Variants in FARS2 observed in about 807,000 individuals in gnomAD.
FARS2 encodes the protein phenylalanyl-tRNA synthetase 2, mitochondrial.
FARS2 carries 40 observed loss-of-function variants against 46.4 expected under a neutral mutation model. That is an observed-to-expected ratio of 0.86 (90% CI 0.67 to 1.12). The LOEUF (loss-of-function observed/expected upper bound fraction) is 1.12. FARS2 is among the 50% of genes most tolerant of loss of function. The pLI is 0.00. For missense variants in FARS2, 513 were observed against 567.9 expected (o/e 0.90, Z 0.98); for synonymous variants, 234 against 214.9 (o/e 1.09, Z -0.78).
intron 3 of FARS2, among the ~76,000 whole-genome samples, chr6:5,412,804 T>C (rs1196727883): frequency 6.6e-6 from 1 of 152,214 alleles, no homozygotes. Flanking sequence ...GGGAGTGTTA[T>C]CCTTCTCAGA....
intron 1 of FARS2, among the ~76,000 whole-genome samples, chr6:5,350,827 C>T (rs566503958): frequency 1.3e-5 from 2 of 152,164 alleles, no homozygotes; most frequent in Non-Finnish European, 2.9e-5. Flanking sequence ...ATTACAACTG[C>T]AGGTTAATCT....
At chr6:5,449,002 AG>A (rs1764329915) in intron 4 of FARS2, among the ~76,000 whole-genome samples, 1 of 152,234 alleles carries the variant, frequency 6.6e-6, no homozygotes, top group African/African-American at 2.4e-5. Context: ...TGCACGTGAA[AG>A]ATCGGAGAGC....
At chr6:5,530,920 A>G (rs1769788194) in intron 4 of FARS2, among the ~76,000 whole-genome samples, 1 of 148,122 alleles carries the variant, frequency 6.8e-6, no homozygotes, top group Admixed American at 6.8e-5. Flanking sequence ...TAATGTATAA[A>G]TATATAATTA....
chr6:5,293,368 C>T (rs990672339), intron 1 of FARS2, among the ~76,000 whole-genome samples: 2 of 152,158 alleles, frequency 1.3e-5, no homozygotes, highest in Non-Finnish European at 2.9e-5. Flanking sequence ...CTTGCATCCA[C>T]ATAGGATGTG....
At chr6:5,572,902 A>G (rs1471293764) in intron 5 of FARS2, among the ~76,000 whole-genome samples, 1 of 152,168 alleles carries the variant, frequency 6.6e-6, no homozygotes. Flanking sequence ...TCTGGCCATC[A>G]TCCACATATC....
At chr6:5,709,716 T>TG (rs373161861) in intron 6 of FARS2, among the ~76,000 whole-genome samples, 17 of 133,500 alleles carry the variant, frequency 1.3e-4, no homozygotes, top group East Asian at 1.3e-3. Flanking sequence ...ACGTGCATGT[T>TG]GGGGGGGGTG....
chr6:5,290,584 C>T (rs1048953726), intron 1 of FARS2, among the ~76,000 whole-genome samples: 1 of 152,170 alleles, frequency 6.6e-6, no homozygotes, highest in African/African-American at 2.4e-5. Context: ...ACTTGAAGGA[C>T]AAAAATTCTA....
intron 6 of FARS2, among the ~76,000 whole-genome samples, chr6:5,639,986 GT>G (rs1176278793): frequency 6.6e-6 from 1 of 152,082 alleles, no homozygotes; most frequent in Non-Finnish European, 1.5e-5. Flanking sequence ...TCGGAAAAAC[GT>G]TTTTTTAACA....
intron 6 of FARS2, among the ~76,000 whole-genome samples, chr6:5,722,444 C>A (rs900398931): frequency 6.6e-6 from 1 of 152,100 alleles, no homozygotes; most frequent in Non-Finnish European, 1.5e-5. Flanking sequence ...CAAAGCAGTG[C>A]GCTGTGACAG....
intron 6 of FARS2, among the ~76,000 whole-genome samples, chr6:5,720,272 T>G (rs1158310354): frequency 6.6e-6 from 1 of 152,224 alleles, no homozygotes; most frequent in East Asian, 1.9e-4. Flanking sequence ...ACTTCTGAGT[T>G]CTGGGGCTTA....
At chr6:5,396,975 GA>G (rs1760943596) in intron 2 of FARS2, among the ~76,000 whole-genome samples, 1 of 152,158 alleles carries the variant, frequency 6.6e-6, no homozygotes, top group Non-Finnish European at 1.5e-5. Flanking sequence ...CATCCTGTGT[GA>G]AAATCAGCAG....
intron 4 of FARS2, among the ~76,000 whole-genome samples, chr6:5,474,661 C>CTATTTTTTTTTTT (rs34998565): frequency 1.4e-5 from 1 of 71,320 alleles, no homozygotes. Context: ...AAATACAGTA[C>CTATTTTTTTTTTT]TGTTTTTTTT....
intron 6 of FARS2, among the ~76,000 whole-genome samples, chr6:5,704,982 G>A (rs1485267407): frequency 6.6e-6 from 1 of 152,192 alleles, no homozygotes; most frequent in Non-Finnish European, 1.5e-5. Context: ...TTGATGTGCT[G>A]TCTGGGCTGT....
At chr6:5,575,809 C>T (rs1214807097) in intron 5 of FARS2, among the ~76,000 whole-genome samples, 1 of 152,152 alleles carries the variant, frequency 6.6e-6, no homozygotes, top group Non-Finnish European at 1.5e-5. Flanking sequence ...TTGGCAGAAC[C>T]TTCCTCATGA....
Position 5,737,275 on chromosome 6 carries a change from A to G in FARS2, c.1218-34016A>G, listed in dbSNP as rs911717650. Among the ~76,000 whole-genome samples the G allele has an allele frequency of 9.8e-5, 15 of 152,348 alleles. No homozygotes were observed. The East Asian group carries it at 1.9e-3, about 20-fold the overall frequency. ...TGGCCGGGCGCAATGGCTCACGCCT[A>G]TAATCCCAGAGCTTCGGGAGGCCAA... On this transcript the variant is annotated intron_variant, in intron 6 of 6. Coordinates refer to ENST00000274680, the MANE Select transcript of FARS2 (RefSeq NM_006567.5).
intron 6 of FARS2, among the ~76,000 whole-genome samples, chr6:5,758,729 G>A (rs1489295046): frequency 6.6e-6 from 1 of 152,190 alleles, no homozygotes; most frequent in Admixed American, 6.5e-5. Flanking sequence ...ATGAGTTTGG[G>A]CAAATCGCTG....
chr6:5,653,471 A>G (rs1238431427), intron 6 of FARS2, among the ~76,000 whole-genome samples: 1 of 152,198 alleles, frequency 6.6e-6, no homozygotes, highest in African/African-American at 2.4e-5. Context: ...TGCAGTGGGT[A>G]TAATGACGAG....
upstream of FARS2, among the ~76,000 whole-genome samples, chr6:5,259,943 T>G (rs560007687): frequency 6.6e-6 from 1 of 152,058 alleles, no homozygotes; most frequent in African/African-American, 2.4e-5. Context: ...AAAAGACTCA[T>G]AGGCAAATAG....
chr6:5,445,144 G>A (rs1337139398), intron 4 of FARS2, among the ~76,000 whole-genome samples: 1 of 151,672 alleles, frequency 6.6e-6, no homozygotes, highest in South Asian at 2.1e-4. Context: ...TATATGGTTG[G>A]TTAATCAGGG....
Sources: gnomAD v4.1 joint callset for allele counts (sites outside exome capture counted in the v4.1 genomes callset) on GRCh38, gnomAD v4.1.1 for gene constraint, MANE v1.5 for transcripts, NCBI Gene and HGNC (gene_info 2026-07-23, HGNC 2026-07-21) for gene names.